The following RIT2 variants were observed in gnomAD, a reference collection of about 807,000 sequenced individuals.
RIT2 encodes Ras like without CAAX 2.
A neutral mutation model predicts 23.7 loss-of-function variants in RIT2; 24 were observed. The observed-to-expected ratio is 1.01, with a 90% CI of 0.73 to 1.43. The LOEUF is 1.43. RIT2 is among the 40% of genes most tolerant of loss of function. The pLI is 0.00. For missense variants in RIT2, 236 were observed against 266.9 expected (o/e 0.88, Z 0.81); for synonymous variants, 107 against 91.1 (o/e 1.17, Z -0.99).
chr18:42,892,047 A>G (rs1470038963), intron 4 of RIT2, among the ~76,000 whole-genome samples: 1 of 150,916 alleles, frequency 6.6e-6, no homozygotes, highest in Non-Finnish European at 1.5e-5. Flanking sequence ...TAAACCTAAG[A>G]AAAAAAAACA....
intron 4 of RIT2, among the ~76,000 whole-genome samples, chr18:42,776,673 C>T (rs1913679306): frequency 6.6e-6 from 1 of 151,938 alleles, no homozygotes; most frequent in African/African-American, 2.4e-5. Flanking sequence ...CACTGAGGCT[C>T]AGAGAGATTT....
rs115701209 is a variant in RIT2, at chr18:43,111,603, A to G, written c.103+3814T>C. Among the ~76,000 whole-genome samples, 713 of 152,290 alleles carry G rather than the reference A, an allele frequency of 4.7e-3. 6 individuals are homozygous for G. The highest frequency in any genetic ancestry group is 0.016 in the African/African-American group (682 of 41,552). ...AAATATATACACCTACTATGTACAAATAAACATAAAAAAATCTACTAATTT... is the reference window on the plus strand; with the variant it reads ...AAATATATACACCTACTATGTACAAGTAAACATAAAAAAATCTACTAATTT... On this transcript the variant is annotated intron_variant, in intron 1 of 4. Transcript: ENST00000326695.
At chr18:43,025,718 T>C (rs1186436255) in intron 2 of RIT2, among the ~76,000 whole-genome samples, 1 of 152,110 alleles carries the variant, frequency 6.6e-6, no homozygotes, top group Non-Finnish European at 1.5e-5. Flanking sequence ...AATTAGCTTA[T>C]GTGAAATAAC....
chr18:42,858,493 A>G (rs1907245229), intron 4 of RIT2, among the ~76,000 whole-genome samples: 1 of 152,190 alleles, frequency 6.6e-6, no homozygotes, highest in Non-Finnish European at 1.5e-5. Flanking sequence ...GCCACAAAGG[A>G]GTCCCCTGAA....
intron 4 of RIT2, among the ~76,000 whole-genome samples, chr18:42,860,458 T>C (rs1240177418): frequency 6.6e-6 from 1 of 152,226 alleles, no homozygotes; most frequent in Admixed American, 6.5e-5. Context: ...TTGATTTTAA[T>C]AATTTTTTCC....
intron 1 of RIT2, among the ~76,000 whole-genome samples, chr18:43,035,854 C>T (rs749606916): frequency 4.6e-5 from 7 of 152,188 alleles, no homozygotes; most frequent in Non-Finnish European, 1.5e-5. Context: ...GTTCTTTATC[C>T]TTTGCCATAG....
At position 43,091,372 on chromosome 18, in the gene RIT2, C is replaced by T. The variant is rs77365775; in HGVS notation, c.103+24045G>A. Among the ~76,000 whole-genome samples the T allele has an allele frequency of 3.4e-3, 524 of 152,090 alleles. 3 individuals are homozygous for T. Among genetic ancestry groups the T allele is most frequent in the African/African-American group, 0.012 (501 of 41,496 alleles). The stretch of plus-strand genomic sequence containing the variant: ...TTTTTGTTTTTATTGTTGCTTTTCA[C>T]GCCAATACCAATGAGATTCACTAAT... On this transcript the variant is annotated intron_variant, in intron 1 of 4. Transcript: ENST00000326695.
chr18:42,884,089 G>A (rs376746679), intron 4 of RIT2, among the ~76,000 whole-genome samples: 1 of 152,264 alleles, frequency 6.6e-6, no homozygotes, highest in East Asian at 1.9e-4. Context: ...CTAGAAAGAC[G>A]TTCTCCAGGA....
intron 2 of RIT2, among the ~76,000 whole-genome samples, chr18:42,977,873 T>C (rs1910509655): frequency 6.7e-6 from 1 of 149,868 alleles, no homozygotes; most frequent in South Asian, 2.1e-4. Flanking sequence ...ATTCAGCATA[T>C]GGCCAACCAT....
intron 4 of RIT2, among the ~76,000 whole-genome samples, chr18:42,902,288 C>G (rs1908495729): frequency 6.6e-6 from 1 of 151,628 alleles, no homozygotes; most frequent in Non-Finnish European, 1.5e-5. Context: ...ATTTATGTTT[C>G]TTGCCTATAA....
intron 4 of RIT2, among the ~76,000 whole-genome samples, chr18:42,816,099 C>CA (rs975385699): frequency 1.3e-5 from 2 of 148,898 alleles, no homozygotes; most frequent in African/African-American, 5.0e-5. Context: ...CCAGTCAGGA[C>CA]AATGGTGTGC....
intron 1 of RIT2, among the ~76,000 whole-genome samples, chr18:43,078,232 C>T (rs553770541): frequency 6.6e-6 from 1 of 152,280 alleles, no homozygotes; most frequent in South Asian, 2.1e-4. Flanking sequence ...TCGCACTTGA[C>T]AATTCCTCTA....
chr18:42,789,325 C>A (rs1357183914), intron 4 of RIT2, among the ~76,000 whole-genome samples: 1 of 152,182 alleles, frequency 6.6e-6, no homozygotes, highest in East Asian at 1.9e-4. Context: ...CACTTTGAAT[C>A]ACTGGTCTAA....
intron 2 of RIT2, among the ~76,000 whole-genome samples, chr18:43,028,909 G>A (rs778293365): frequency 5.3e-5 from 8 of 151,950 alleles, no homozygotes; most frequent in South Asian, 2.1e-4. Context: ...TAATTCAAAC[G>A]TAGTATTTTT....
At chr18:42,964,445 C>T (rs1479328035) in intron 3 of RIT2, among the ~76,000 whole-genome samples, 3 of 152,018 alleles carry the variant, frequency 2.0e-5, no homozygotes, top group African/African-American at 7.2e-5. Flanking sequence ...GTTAAAATTA[C>T]ACCATGGCAA....
chr18:42,819,044 A>G (rs1309608422), intron 4 of RIT2, among the ~76,000 whole-genome samples: 1 of 152,066 alleles, frequency 6.6e-6, no homozygotes, highest in East Asian at 1.9e-4. Flanking sequence ...TTTAGATCAG[A>G]AAAGTCATTT....
chr18:42,858,127 G>A (rs1228925287), intron 4 of RIT2, among the ~76,000 whole-genome samples: 1 of 152,196 alleles, frequency 6.6e-6, no homozygotes, highest in African/African-American at 2.4e-5. Context: ...GTTGCAGTGA[G>A]CCAAGATTGA....
intron 1 of RIT2, among the ~76,000 whole-genome samples, chr18:43,070,484 G>A (rs879236558): frequency 7.2e-5 from 11 of 152,168 alleles, no homozygotes; most frequent in Admixed American, 3.9e-4. Context: ...CCCTGAGTGC[G>A]AAGGACTGTG....
intron 1 of RIT2, among the ~76,000 whole-genome samples, chr18:43,082,241 C>A (rs560547796): frequency 6.6e-6 from 1 of 152,056 alleles, no homozygotes; most frequent in Non-Finnish European, 1.5e-5. Context: ...GTGGTGATAT[C>A]CCATTTATCA....
Sources: allele counts gnomAD v4.1 joint callset (sites outside exome capture counted in the v4.1 genomes callset), GRCh38; gene constraint gnomAD v4.1.1; transcripts MANE v1.5; gene names NCBI Gene and HGNC (gene_info 2026-07-23, HGNC 2026-07-21).